PRLR: variants seen among roughly 807,000 people sequenced by gnomAD.
PRLR encodes the protein hPRL receptor.
Under a neutral mutation model 40.2 loss-of-function variants are expected in PRLR, and 13 were observed. The ratio of observed to expected loss-of-function variants is 0.32; its 90% CI spans 0.21 to 0.51. The LOEUF is 0.51. PRLR is among the 20% of genes least tolerant of loss of function. The pLI is 0.97. For missense variants in PRLR, 656 were observed against 747.3 expected, an observed-to-expected ratio of 0.88 and a Z score of 1.42; for synonymous variants, 269 against 278.7, an observed-to-expected ratio of 0.97 and a Z score of 0.35.
At chr5:35,230,071 G>A (rs1392881134) in intron 1 of PRLR, among the ~76,000 whole-genome samples, 197 bp downstream of exon 1, 1 of 151,784 alleles carries the variant, frequency 6.6e-6, no homozygotes, top group Non-Finnish European at 1.5e-5. Context: ...ATCCGGGCGG[G>A]AGGCGGGCGG....
chr5:35,068,767 A>G lies in PRLR; in HGVS notation c.785+12T>C, dbSNP rs367765007. 13 of 1,559,082 alleles carry G rather than the reference A, an allele frequency of 8.3e-6. No individual in the cohort carries two copies. Among genetic ancestry groups the G allele is most frequent in the African/African-American group, 2.7e-5 (2 of 73,292 alleles). ...CATGATTGGGAGGAAAAGTTGAGAGACAGTGAAGTACCTATAGCCCTTCAA... is the reference window on the plus strand; with the variant it reads ...CATGATTGGGAGGAAAAGTTGAGAGGCAGTGAAGTACCTATAGCCCTTCAA... On this transcript the variant is annotated intron_variant, in intron 8 of 9. Transcript: ENST00000618457.
chr5:35,133,151 G>T (rs931770057), intron 1 of PRLR, among the ~76,000 whole-genome samples: 2 of 152,134 alleles, frequency 1.3e-5, no homozygotes, highest in Admixed American at 1.3e-4. Flanking sequence ...CTCAGGCTTT[G>T]GCCGTGGAGT....
chr5:35,153,445 C>A (rs998474299), intron 1 of PRLR, among the ~76,000 whole-genome samples: 10 of 152,144 alleles, frequency 6.6e-5, no homozygotes, highest in Admixed American at 1.3e-4. Context: ...GAGATTTAGA[C>A]CCTCATCCTC....
chr5:35,174,305 G>A (rs1034101071), intron 1 of PRLR, among the ~76,000 whole-genome samples: 1 of 152,090 alleles, frequency 6.6e-6, no homozygotes, highest in Non-Finnish European at 1.5e-5. Flanking sequence ...GCCCAGGCTG[G>A]TCTCGAACTC....
At chr5:35,134,609 C>A (rs1054750534) in intron 1 of PRLR, among the ~76,000 whole-genome samples, 4 of 152,164 alleles carry the variant, frequency 2.6e-5, no homozygotes, top group Non-Finnish European at 5.9e-5. Context: ...CGGCTGGTTG[C>A]CTTCTGGCAT....
At chr5:35,120,515 A>G (rs182010450) in intron 1 of PRLR, among the ~76,000 whole-genome samples, 5 of 152,326 alleles carry the variant, frequency 3.3e-5, no homozygotes, top group African/African-American at 9.6e-5. Context: ...AGGATATACC[A>G]TTATGGGGTG....
chr5:35,124,216 G>A (rs897919986), intron 1 of PRLR, among the ~76,000 whole-genome samples: 7 of 152,186 alleles, frequency 4.6e-5, no homozygotes, highest in South Asian at 4.1e-4. Flanking sequence ...GTTCTTTACC[G>A]GACATTCCGA....
chr5:35,149,307 A>T (rs569245207), intron 1 of PRLR, among the ~76,000 whole-genome samples: 1 of 152,112 alleles, frequency 6.6e-6, no homozygotes, highest in African/African-American at 2.4e-5. Context: ...GACTCAGCCA[A>T]ATGTGGTACT....
chr5:35,150,412 C>A (rs143562616), intron 1 of PRLR, among the ~76,000 whole-genome samples: 327 of 152,310 alleles, frequency 2.1e-3, no homozygotes, highest in African/African-American at 7.5e-3. Flanking sequence ...AAAATAAGAG[C>A]CTTCTGCCTA....
intron 1 of PRLR, among the ~76,000 whole-genome samples, chr5:35,158,982 T>C (rs1774591826): frequency 6.6e-6 from 1 of 152,206 alleles, no homozygotes; most frequent in Non-Finnish European, 1.5e-5. Flanking sequence ...TATAGATTTA[T>C]TTTTGCTTAG....
chr5:35,128,743 C>T (rs1288075134), intron 1 of PRLR, among the ~76,000 whole-genome samples: 2 of 152,090 alleles, frequency 1.3e-5, no homozygotes, highest in Non-Finnish European at 2.9e-5. Flanking sequence ...TAGCAATGAA[C>T]AAGAAGGCAT....
At chr5:35,170,378 CTT>C (rs1774965351) in intron 1 of PRLR, among the ~76,000 whole-genome samples, 1 of 152,128 alleles carries the variant, frequency 6.6e-6, no homozygotes, top group African/African-American at 2.4e-5. Flanking sequence ...TCCTAGGACT[CTT>C]TATTCATTTG....
chr5:35,162,673 C>A (rs1774708710), intron 1 of PRLR, among the ~76,000 whole-genome samples: 1 of 152,138 alleles, frequency 6.6e-6, no homozygotes, highest in Admixed American at 6.5e-5. Flanking sequence ...TTGTTTCATA[C>A]CCCAGATGAA....
At chr5:35,191,071 T>C (rs1392085125) in intron 1 of PRLR, among the ~76,000 whole-genome samples, 655 of 15,436 alleles carry the variant, frequency 0.042, 119 homozygotes, top group African/African-American at 0.15. Context: ...TTTTTTTTTT[T>C]TTTTTTTTTT....
intron 1 of PRLR, among the ~76,000 whole-genome samples, chr5:35,139,211 T>G (rs1356481171): frequency 1.3e-5 from 2 of 152,178 alleles, no homozygotes; most frequent in Non-Finnish European, 1.5e-5. Flanking sequence ...GTCGGCTCTT[T>G]GCAACCTCTG....
At position 35,089,546 on chromosome 5, in the gene PRLR, C is replaced by G. The variant is rs781774334; in HGVS notation, c.70+5G>C. 1 of 1,598,556 alleles carries G rather than the reference C, an allele frequency of 6.3e-7. No individual in the cohort carries two copies. Among genetic ancestry groups the G allele is most frequent in the Non-Finnish European group, 8.6e-7 (1 of 1,165,830 alleles). On this transcript the variant is annotated splice_donor_5th_base_variant and intron_variant, in intron 3 of 9. Coordinates refer to ENST00000618457, the MANE Select transcript of PRLR (RefSeq NM_000949.7). Reference sequence around the variant, plus strand: ...TGAAAGAGAGCGTGATAGCCTCTTACTTACCATTCAGAAGGCAGGTGTTGA... The same window carrying G: ...TGAAAGAGAGCGTGATAGCCTCTTAGTTACCATTCAGAAGGCAGGTGTTGA...
chr5:35,124,526 A>G (rs1773394021), intron 1 of PRLR, among the ~76,000 whole-genome samples: 1 of 152,220 alleles, frequency 6.6e-6, no homozygotes, highest in African/African-American at 2.4e-5. Flanking sequence ...CCCCTAGTCC[A>G]GAGTTTAGAT....
At chr5:35,150,041 C>T (rs906397718) in intron 1 of PRLR, among the ~76,000 whole-genome samples, 3 of 152,164 alleles carry the variant, frequency 2.0e-5, no homozygotes, top group African/African-American at 4.8e-5. Context: ...TGCGCCACGA[C>T]GCCCAGCTAA....
At chr5:35,209,013 C>T (rs1015344955) in intron 1 of PRLR, among the ~76,000 whole-genome samples, 1 of 152,072 alleles carries the variant, frequency 6.6e-6, no homozygotes, top group Non-Finnish European at 1.5e-5. Flanking sequence ...TGATTTATTG[C>T]TACTTACATA....
Sources: allele counts gnomAD v4.1 joint callset (sites outside exome capture counted in the v4.1 genomes callset), GRCh38; gene constraint gnomAD v4.1.1; transcripts MANE v1.5; gene names NCBI Gene and HGNC (gene_info 2026-07-23, HGNC 2026-07-21).